Variants in CSMD1 observed in about 807,000 individuals in gnomAD.
CSMD1 encodes the protein CUB and Sushi multiple domains 1.
In CSMD1, 213 loss-of-function variants were observed where a neutral mutation model predicts 417.5. The ratio of observed to expected loss-of-function variants is 0.51; its 90% CI spans 0.46 to 0.57. CSMD1 has a LOEUF of 0.57. Among genes scored for constraint, CSMD1 ranks in the 20% least tolerant of loss-of-function variants. CSMD1 has a pLI of 0.00. For synonymous variants in CSMD1, 2,862 were observed against 1,736.8 expected (o/e 1.65, Z -16.11); for missense variants, 6,923 against 4,529.7 (o/e 1.53, Z -15.17).
intron 5 of CSMD1, among the ~76,000 whole-genome samples, chr8:3,881,708 G>A (rs764245446): frequency 6.6e-6 from 1 of 150,890 alleles, no homozygotes; most frequent in East Asian, 1.9e-4. Flanking sequence ...GAGAAAAGCA[G>A]AGCTTGGGGC....
intron 3 of CSMD1, among the ~76,000 whole-genome samples, chr8:4,246,391 G>T (rs1159433066): frequency 6.6e-6 from 1 of 152,158 alleles, no homozygotes; most frequent in Non-Finnish European, 1.5e-5. Context: ...ATATTCTGCA[G>T]CTGCTGTTGT....
chr8:4,950,551 G>A (rs1015139262), intron 1 of CSMD1, among the ~76,000 whole-genome samples: 2 of 152,176 alleles, frequency 1.3e-5, no homozygotes, highest in East Asian at 3.9e-4. Flanking sequence ...TTTTAGTAAA[G>A]CAACTAACTT....
At chr8:3,099,821 G>C (rs577277279) in intron 46 of CSMD1, among the ~76,000 whole-genome samples, 3 of 152,142 alleles carry the variant, frequency 2.0e-5, no homozygotes, top group East Asian at 3.9e-4. Context: ...TAAACAACTT[G>C]TTATATAATT....
chr8:3,533,548 G>A (rs982548528), intron 10 of CSMD1, among the ~76,000 whole-genome samples: 6 of 152,126 alleles, frequency 3.9e-5, no homozygotes, highest in African/African-American at 1.4e-4. Context: ...TCACTACTAT[G>A]TCTATAAAGC....
chr8:2,979,518 G>A (rs891099165), intron 54 of CSMD1, among the ~76,000 whole-genome samples: 44 of 152,310 alleles, frequency 2.9e-4, no homozygotes, highest in Middle Eastern at 3.4e-3. Flanking sequence ...ATTACCTCAT[G>A]CTTTGACCCA....
chr8:4,957,965 G>A (rs952358146), intron 1 of CSMD1, among the ~76,000 whole-genome samples: 1 of 152,156 alleles, frequency 6.6e-6, no homozygotes, highest in African/African-American at 2.4e-5. Flanking sequence ...TCTCTCCTTA[G>A]TAAGATGTTA....
intron 1 of CSMD1, among the ~76,000 whole-genome samples, chr8:4,861,278 A>G (rs1354777429): frequency 6.6e-6 from 1 of 152,150 alleles, no homozygotes; most frequent in Non-Finnish European, 1.5e-5. Context: ...CACAGCAACA[A>G]AGGTACAGTA....
chr8:3,970,101 C>A (rs779752322), intron 5 of CSMD1, among the ~76,000 whole-genome samples: 1 of 152,146 alleles, frequency 6.6e-6, no homozygotes, highest in Non-Finnish European at 1.5e-5. Flanking sequence ...AAAAACCTTC[C>A]TTTGTGAGAA....
In CSMD1 at chr8:4,198,549, G is replaced by C. The variant is rs184938015; in HGVS notation, c.416-166450C>G. ...TGAGAAAGAAAGTGTCTAGAAATAT[G>C]ACACTTTCAGGAACGTGCACAAGGA... is the stretch of plus-strand genomic sequence containing the variant. On this transcript the variant is annotated intron_variant, in intron 3 of 69. Coordinates refer to ENST00000635120, the MANE Select transcript of CSMD1 (RefSeq NM_033225.6). 1.5e-3 allele frequency among the ~76,000 whole-genome samples: 222 copies of C among 152,238 alleles called. 2 individuals are homozygous for C. Among genetic ancestry groups the C allele is most frequent in the Admixed American group, 2.5e-3 (38 of 15,296 alleles).
intron 1 of CSMD1, among the ~76,000 whole-genome samples, chr8:4,771,492 G>C (rs1172353304): frequency 6.6e-6 from 1 of 152,194 alleles, no homozygotes; most frequent in Admixed American, 6.5e-5. Flanking sequence ...AGAATGCGCA[G>C]TTATGCTGCA....
At chr8:3,468,330 T>A (rs1293052058) in intron 12 of CSMD1, among the ~76,000 whole-genome samples, 1 of 152,188 alleles carries the variant, frequency 6.6e-6, no homozygotes, top group Non-Finnish European at 1.5e-5. Context: ...AAATTTATAA[T>A]TGTAAGTATT....
chr8:3,080,933 T>G (rs1302301006), intron 49 of CSMD1, among the ~76,000 whole-genome samples: 1 of 151,316 alleles, frequency 6.6e-6, no homozygotes, highest in Non-Finnish European at 1.5e-5. Context: ...ACAATGTCAT[T>G]GGCAAAAAAA....
At chr8:3,443,273 G>T (rs888175891) in intron 12 of CSMD1, among the ~76,000 whole-genome samples, 2 of 152,144 alleles carry the variant, frequency 1.3e-5, no homozygotes, top group African/African-American at 4.8e-5. Context: ...TTGGAAGACT[G>T]ATTGAATAAA....
chr8:3,807,316 T>C (rs1310624059), intron 5 of CSMD1, among the ~76,000 whole-genome samples: 1 of 152,162 alleles, frequency 6.6e-6, no homozygotes, highest in African/African-American at 2.4e-5. Context: ...ATACAGTATC[T>C]GGTTTTGTAC....
intron 3 of CSMD1, among the ~76,000 whole-genome samples, chr8:4,264,384 A>G (rs933643800): frequency 2.6e-5 from 4 of 152,228 alleles, no homozygotes; most frequent in Admixed American, 2.0e-4. Context: ...AGAAGATAAT[A>G]CAAGAAACAT....
intron 69 of CSMD1, among the ~76,000 whole-genome samples, chr8:2,940,620 A>C (rs1475924610): frequency 3.9e-5 from 6 of 152,200 alleles, no homozygotes; most frequent in Non-Finnish European, 7.3e-5. Context: ...TAACGACTAA[A>C]ACTGGTGTGT....
chr8:4,793,919 T>C (rs1797835913), intron 1 of CSMD1, among the ~76,000 whole-genome samples: 1 of 151,932 alleles, frequency 6.6e-6, no homozygotes, highest in Non-Finnish European at 1.5e-5. Context: ...AAAAATGTGA[T>C]GTAAGTTGAG....
intron 10 of CSMD1, among the ~76,000 whole-genome samples, chr8:3,536,687 G>T (rs187592989): frequency 2.0e-5 from 3 of 152,142 alleles, no homozygotes; most frequent in African/African-American, 4.8e-5. Context: ...AGAGCAATAG[G>T]ATCTGTGCCC....
chr8:4,871,216 G>A (rs1330910515), intron 1 of CSMD1, among the ~76,000 whole-genome samples: 1 of 152,128 alleles, frequency 6.6e-6, no homozygotes, highest in Non-Finnish European at 1.5e-5. Flanking sequence ...TCTAAGAAAG[G>A]AAGTGGGTGG....
Sources: gnomAD v4.1 joint callset for allele counts (sites outside exome capture counted in the v4.1 genomes callset) on GRCh38, gnomAD v4.1.1 for gene constraint, MANE v1.5 for transcripts, NCBI Gene and HGNC (gene_info 2026-07-23, HGNC 2026-07-21) for gene names.